The following TTLL11 variants were observed in gnomAD, a reference collection of about 807,000 sequenced individuals.
The protein encoded by TTLL11 is tubulin polyglutamylase TTLL11.
A neutral mutation model predicts 51.7 loss-of-function variants in TTLL11; 42 were observed. The ratio of observed to expected loss-of-function variants is 0.81; its 90% confidence interval spans 0.64 to 1.05. TTLL11 has a LOEUF of 1.05. TTLL11 is among the 50% of genes least tolerant of loss of function. The pLI, the probability that TTLL11 is intolerant of heterozygous loss-of-function variation, is 0.00. For synonymous variants in TTLL11, 381 were observed against 383.5 expected (o/e 0.99, Z 0.08); for missense variants, 799 against 940.4 (o/e 0.85, Z 1.97).
chr9:122,038,083 T>C (rs891504298), intron 2 of TTLL11, among the ~76,000 whole-genome samples: 2 of 152,154 alleles, frequency 1.3e-5, no homozygotes, highest in Non-Finnish European at 1.5e-5. Context: ...ACTGCAACCA[T>C]GCAAAAAGGA....
chr9:121,842,249 C>CTTT (rs148390026), intron 8 of TTLL11, among the ~76,000 whole-genome samples: 1 of 149,634 alleles, frequency 6.7e-6, no homozygotes, highest in African/African-American at 2.5e-5. Flanking sequence ...GCTCCCTCTC[C>CTTT]TTTTTTTTAA....
chr9:121,821,710 T>C lies in TTLL11; in HGVS notation c.*877A>G, dbSNP rs1474957066. Among the ~76,000 whole-genome samples the C allele has an allele frequency of 6.6e-6, 1 of 152,116 alleles. No homozygotes were observed. The highest frequency in any genetic ancestry group is 1.5e-5 in the Non-Finnish European group (1 of 68,022). ...GTCTGACATACACTACTCCTCTTGC[T>C]CTGGTTCTTATCCATGTCTGATTTC... On this transcript the variant is annotated 3_prime_UTR_variant, in exon 9 of 9. Transcript: ENST00000321582. The surrounding 1 kb of genome is among the most constrained non-coding windows in gnomAD (Gnocchi z 5.0).
intron 6 of TTLL11, among the ~76,000 whole-genome samples, chr9:121,888,377 G>T (rs554074510): frequency 6.6e-6 from 1 of 152,338 alleles, no homozygotes; most frequent in African/African-American, 2.4e-5. Context: ...GGTGTGGCTT[G>T]TTCAAGGTTT....
intron 6 of TTLL11, among the ~76,000 whole-genome samples, chr9:121,877,969 C>T (rs558595510): frequency 2.8e-4 from 42 of 152,246 alleles, no homozygotes; most frequent in Admixed American, 2.7e-3. Flanking sequence ...TAGCAAGAAT[C>T]CTACGAATTA....
In TTLL11 at chr9:121,950,640, C is replaced by A. The variant is rs146350270; in HGVS notation, c.1481+23369G>T. On this transcript the variant is annotated intron_variant, in intron 6 of 8. Transcript: ENST00000321582. ...TCACCGGGCAAGGGAGAGAAATGAA[C>A]CGTATCGAAAAATGTGGTCTGGGGT... Among the ~76,000 whole-genome samples the A allele has an allele frequency of 3.9e-5, 6 of 152,212 alleles. No homozygotes were observed. The East Asian group carries it at 1.2e-3, about 29-fold the overall frequency.
At chr9:121,916,560 A>C (rs1840334781) in intron 6 of TTLL11, among the ~76,000 whole-genome samples, 1 of 152,226 alleles carries the variant, frequency 6.6e-6, no homozygotes, top group African/African-American at 2.4e-5. Context: ...ATTTGTGCAA[A>C]CCAGAATAAA....
intron 1 of TTLL11, among the ~76,000 whole-genome samples, chr9:122,044,373 C>A (rs1008333960): frequency 5.3e-5 from 8 of 152,088 alleles, no homozygotes; most frequent in Non-Finnish European, 1.2e-4. Flanking sequence ...GGTATATACC[C>A]AGTAATGGGA....
chr9:122,089,350 G>A (rs972413633), intron 1 of TTLL11, among the ~76,000 whole-genome samples: 6 of 152,132 alleles, frequency 3.9e-5, no homozygotes, highest in East Asian at 1.9e-4. Flanking sequence ...CTAAAACAGC[G>A]CTGGGAGTTC....
chr9:121,957,636 C>A (rs960593906), intron 6 of TTLL11, among the ~76,000 whole-genome samples: 6 of 152,306 alleles, frequency 3.9e-5, no homozygotes, highest in Admixed American at 1.3e-4. Flanking sequence ...TCCTTGAGGC[C>A]AAGGAGGCGT....
Position 122,001,897 on chromosome 9 carries a change from G to A in TTLL11, c.694-12127C>T, listed in dbSNP as rs780086372. Among the ~76,000 whole-genome samples, 7 of 152,170 alleles carry A rather than the reference G, an allele frequency of 4.6e-5. No homozygotes were observed. In the South Asian group the frequency reaches 6.2e-4, roughly 14 times the overall value. ...TGGTTTAAATTTCAAGGAGAAGCAC[G>A]AAGGTGTTGACATGTAAGGAATTAC... On this transcript the variant is annotated intron_variant, in intron 3 of 8. Transcript: ENST00000321582.
At chr9:122,002,460 A>G (rs1418654920) in intron 3 of TTLL11, among the ~76,000 whole-genome samples, 2 of 152,250 alleles carry the variant, frequency 1.3e-5, no homozygotes, top group Admixed American at 1.3e-4. Flanking sequence ...CCATAGACAT[A>G]GCTTCTGAGA....
At chr9:121,990,488 G>A (rs188977526) in intron 3 of TTLL11, among the ~76,000 whole-genome samples, 110 of 152,312 alleles carry the variant, frequency 7.2e-4, no homozygotes, top group African/African-American at 2.5e-3. Context: ...GCCAGCTAAC[G>A]CGGGGGCAGA....
intron 1 of TTLL11, among the ~76,000 whole-genome samples, chr9:122,042,694 T>A (rs1018295099): frequency 6.6e-6 from 1 of 152,154 alleles, no homozygotes; most frequent in African/African-American, 2.4e-5. Flanking sequence ...AGTAGGTGAG[T>A]CCTTCTGTAG....
chr9:121,898,926 C>T (rs937268374), intron 6 of TTLL11, among the ~76,000 whole-genome samples: 1 of 152,220 alleles, frequency 6.6e-6, no homozygotes, highest in African/African-American at 2.4e-5. Flanking sequence ...CTCATGCCTG[C>T]TTCTGTTGCT....
chr9:122,078,926 T>G (rs779653042), intron 1 of TTLL11, among the ~76,000 whole-genome samples: 50 of 152,216 alleles, frequency 3.3e-4, no homozygotes, highest in Non-Finnish European at 2.8e-4. Flanking sequence ...CAAAGCTCAT[T>G]CTTACGAAGA....
intron 3 of TTLL11, among the ~76,000 whole-genome samples, chr9:122,000,666 AAT>A (rs1843432630): frequency 6.6e-6 from 1 of 152,062 alleles, no homozygotes; most frequent in African/African-American, 2.4e-5. Flanking sequence ...ATGGTCTAAA[AAT>A]GGAGGCATGA....
intron 6 of TTLL11, among the ~76,000 whole-genome samples, chr9:121,928,577 A>C (rs1024540261): frequency 1.3e-5 from 2 of 151,782 alleles, no homozygotes; most frequent in Non-Finnish European, 1.5e-5. Context: ...AGTAGCTAGC[A>C]CTACAGGTGC....
chr9:121,859,450 G>C (rs4240470), intron 8 of TTLL11, among the ~76,000 whole-genome samples: 110,286 of 152,062 alleles, frequency 0.73, 40,235 homozygotes, highest in Middle Eastern at 0.81. Flanking sequence ...GCAGTGAGCT[G>C]AGATCGTGCC....
intron 8 of TTLL11, among the ~76,000 whole-genome samples, chr9:121,843,813 C>G (rs112246960): frequency 0.014 from 2,198 of 152,236 alleles, 56 homozygotes; most frequent in African/African-American, 0.05. Flanking sequence ...GCTGGGACTA[C>G]AGGCGTGTGA....
Sources: gnomAD v4.1 joint callset for allele counts (sites outside exome capture counted in the v4.1 genomes callset) on GRCh38, gnomAD v4.1.1 for gene constraint, Gnocchi (gnomAD v3.1) non-coding constraint, MANE v1.5 for transcripts, NCBI Gene and HGNC (gene_info 2026-07-23, HGNC 2026-07-21) for gene names.